The following PIK3CA variants were observed in gnomAD, a reference collection of about 807,000 sequenced individuals.
The protein encoded by PIK3CA is phosphatidylinositol-4,5-bisphosphate 3-kinase catalytic subunit alpha.
In PIK3CA, 27 loss-of-function variants were observed where a neutral mutation model predicts 138.2. The observed-to-expected ratio is 0.20, with a 90% CI of 0.14 to 0.27. PIK3CA has a LOEUF of 0.27. PIK3CA is among the 10% of genes least tolerant of loss of function. The pLI is 1.00. For missense variants in PIK3CA, 544 were observed against 1,277.4 expected, an observed-to-expected ratio of 0.43 and a Z score of 8.75; for synonymous variants, 358 against 413.2, an observed-to-expected ratio of 0.87 and a Z score of 1.62.
At position 179,221,671 on chromosome 3, in the gene PIK3CA, C is replaced by G. The variant is rs185919139; in HGVS notation, c.2187+514C>G. On this transcript the variant is annotated intron_variant, in intron 14 of 20. Transcript: ENST00000263967. Reference sequence around the variant, plus strand: ...TCATCTGCTGTCTAGCTTAGTATAACTAAGAGTAGGAAATACAATGTAAAC... The same window carrying G: ...TCATCTGCTGTCTAGCTTAGTATAAGTAAGAGTAGGAAATACAATGTAAAC... Among the ~76,000 whole-genome samples the G allele has an allele frequency of 5.7e-5, 8 of 140,828 alleles. No homozygotes were observed. In the East Asian group the frequency reaches 1.7e-3, roughly 31 times the overall value. 92.4% of individuals were successfully genotyped at this position (140,828 alleles called of 152,430 possible). A position where few individuals can be genotyped will look rare whatever the true frequency, so the allele number is the denominator to read the frequency against.
intron 14 of PIK3CA, among the ~76,000 whole-genome samples, chr3:179,221,933 C>T (rs760440051): frequency 1.3e-5 from 2 of 151,836 alleles, no homozygotes; most frequent in African/African-American, 2.4e-5. Context: ...GTCTCCAATT[C>T]CTGGGCTCAA....
chr3:179,157,258 G>A (rs899390635), intron 1 of PIK3CA, among the ~76,000 whole-genome samples: 1 of 152,100 alleles, frequency 6.6e-6, no homozygotes, highest in Non-Finnish European at 1.5e-5. Context: ...TTGCAGTTGA[G>A]ACCATGATAG....
intron 1 of PIK3CA, among the ~76,000 whole-genome samples, chr3:179,196,669 G>T (rs1008579410): frequency 2.0e-5 from 3 of 152,178 alleles, no homozygotes; most frequent in Admixed American, 1.3e-4. Context: ...CATCCTTTGT[G>T]TGTTATAACT....
At chr3:179,224,243 A>G in intron 15 of PIK3CA, 56 bp downstream of exon 15, 2 of 875,122 alleles carry the variant, frequency 2.3e-6, no homozygotes, top group Non-Finnish European at 3.6e-6. Context: ...TCTGGATAAA[A>G]TCTTGAGAAA....
chr3:179,156,500 T>A (rs1021385438), intron 1 of PIK3CA, among the ~76,000 whole-genome samples: 1 of 152,196 alleles, frequency 6.6e-6, no homozygotes, highest in Non-Finnish European at 1.5e-5. Context: ...TTTCAGAAAA[T>A]GTGTTCTAAT....
chr3:179,182,977 T>G lies in PIK3CA; in HGVS notation c.-76-15773T>G, dbSNP rs1723886308. 2.0e-5 allele frequency among the ~76,000 whole-genome samples: 3 copies of G among 152,222 alleles called. No homozygotes were observed. In the South Asian group the frequency reaches 6.2e-4, roughly 31 times the overall value. ...GACTTCACATTGTTGTTGCTTTCAT[T>G]CATAGAACTTGTCTTCACATCTTAG... On this transcript the variant is annotated intron_variant, in intron 1 of 20. Coordinates refer to ENST00000263967, the MANE Select transcript of PIK3CA (RefSeq NM_006218.4).
chr3:179,216,934 A>G (rs1423938377), intron 9 of PIK3CA, among the ~76,000 whole-genome samples: 2 of 152,134 alleles, frequency 1.3e-5, no homozygotes, highest in East Asian at 3.8e-4. Context: ...TTCCACAGAG[A>G]AGCCATAATA....
chr3:179,226,637 A>T (rs1725089609), intron 17 of PIK3CA, among the ~76,000 whole-genome samples: 1 of 152,098 alleles, frequency 6.6e-6, no homozygotes, highest in Admixed American at 6.6e-5. Flanking sequence ...TTTGGCCTAT[A>T]AGTGGACATA....
intron 1 of PIK3CA, among the ~76,000 whole-genome samples, chr3:179,153,151 G>C (rs1479680767): frequency 6.6e-6 from 1 of 152,094 alleles, no homozygotes; most frequent in Non-Finnish European, 1.5e-5. Context: ...TGGTCTTCTG[G>C]TCAGGACTAA....
At chr3:179,226,359 A>G (rs1288324350) in intron 17 of PIK3CA, among the ~76,000 whole-genome samples, 2 of 152,148 alleles carry the variant, frequency 1.3e-5, no homozygotes, top group African/African-American at 4.8e-5. Flanking sequence ...AGAAAGTTTC[A>G]TAATGGGAAT....
In PIK3CA at chr3:179,226,199, T is replaced by TG. The variant is rs1553824729; in HGVS notation, c.2495+159_2495+160insG. On this transcript the variant is annotated intron_variant, in intron 17 of 20. Coordinates refer to ENST00000263967, the MANE Select transcript of PIK3CA (RefSeq NM_006218.4). Reference sequence around the variant, plus strand: ...ATAGTACTTTGACATATCCTCCTCTTACTTAGAATAGCTAAATTATATTCA... The same window carrying TG: ...ATAGTACTTTGACATATCCTCCTCTTGACTTAGAATAGCTAAATTATATTCA... Among the ~76,000 whole-genome samples the TG allele has an allele frequency of 1.3e-3, 202 of 152,168 alleles. 1 individual carries two copies. The highest frequency in any genetic ancestry group is 3.4e-3 in the Middle Eastern group (1 of 294).
At chr3:179,225,862 T>C (rs1725069913) in intron 16 of PIK3CA, 100 bp from the exon 17 acceptor site, 2 of 628,294 alleles carry the variant, frequency 3.2e-6, no homozygotes, top group African/African-American at 3.7e-5. Flanking sequence ...GAAGAGTAAA[T>C]ATAGCTGTAT....
rs191123531 is a variant in PIK3CA, at chr3:179,229,963, C to A, written c.2667-41C>A. The A allele has an allele frequency of 2.1e-5, 29 of 1,355,260 alleles. No individual in the cohort carries two copies. The Admixed American group carries it at 2.7e-4, about 13-fold the overall frequency. The allele number at this position is 1,355,260 out of a possible 1,614,324, so 84.0% of individuals were successfully genotyped here. A position where few individuals can be genotyped will look rare whatever the true frequency, so the allele number is the denominator to read the frequency against. ...TCTTTTCTCAAGTTGGCCTGAATCA[C>A]TATATTTCCATACTACTCATGAGGT... On this transcript the variant is annotated intron_variant, in intron 18 of 20. Transcript: ENST00000263967.
At chr3:179,172,332 A>T (rs1001079723) in intron 1 of PIK3CA, among the ~76,000 whole-genome samples, 4 of 152,154 alleles carry the variant, frequency 2.6e-5, no homozygotes, top group African/African-American at 9.7e-5. Flanking sequence ...CAAGGCAAGG[A>T]TGTTTGCTCT....
intron 1 of PIK3CA, among the ~76,000 whole-genome samples, chr3:179,191,923 C>T (rs1467087366): frequency 6.6e-6 from 1 of 152,202 alleles, no homozygotes; most frequent in Admixed American, 6.5e-5. Context: ...CAGGCATGAG[C>T]CACCACGCCT....
At chr3:179,177,360 T>A (rs374997792) in intron 1 of PIK3CA, among the ~76,000 whole-genome samples, 8 of 149,250 alleles carry the variant, frequency 5.4e-5, no homozygotes, top group African/African-American at 1.5e-4. Flanking sequence ...TCGCCCAGGC[T>A]GGCGTGCAGT....
At chr3:179,190,960 G>A (rs563156708) in intron 1 of PIK3CA, among the ~76,000 whole-genome samples, 1 of 152,304 alleles carries the variant, frequency 6.6e-6, no homozygotes, top group East Asian at 1.9e-4. Flanking sequence ...TCAGATAGTA[G>A]CCCTCAGAAG....
intron 1 of PIK3CA, among the ~76,000 whole-genome samples, chr3:179,155,254 A>G (rs918348311): frequency 4.6e-5 from 7 of 152,338 alleles, no homozygotes; most frequent in East Asian, 1.9e-4. Context: ...TCCTCAGCAC[A>G]TACTGTAGTG....
In PIK3CA at chr3:179,230,168, C is replaced by A. The variant is rs1369564622; in HGVS notation, c.2784+47C>A. 6.4e-7 allele frequency: 1 copy of A among 1,566,482 alleles called. No individual in the cohort carries two copies. Among genetic ancestry groups the A allele is most frequent in the East Asian group, 2.2e-5 (1 of 44,598 alleles). ...AATGTTTTGGTGTTCTTAATTTATT[C>A]AAGACATTTTGTATCTGCATATATC... On this transcript the variant is annotated intron_variant, in intron 19 of 20. Transcript: ENST00000263967. The surrounding 1 kb of genome is among the most constrained non-coding windows in gnomAD (Gnocchi z 5.4).
Sources: allele counts gnomAD v4.1 joint callset (sites outside exome capture counted in the v4.1 genomes callset), GRCh38; gene constraint gnomAD v4.1.1; non-coding constraint Gnocchi (gnomAD v3.1); transcripts MANE v1.5; gene names NCBI Gene and HGNC (gene_info 2026-07-23, HGNC 2026-07-21).